Variants in SMG1 observed in about 807,000 individuals in gnomAD.
The protein encoded by SMG1 is serine/threonine-protein kinase SMG1.
In SMG1, 22 loss-of-function variants were observed where a neutral mutation model predicts 419.9. The observed-to-expected ratio is 0.05, with a 90% CI of 0.04 to 0.07. SMG1 has a LOEUF of 0.07. Among genes scored for constraint, SMG1 ranks in the 10% least tolerant of loss-of-function variants. The pLI is 1.00. For missense variants in SMG1, 3,185 were observed against 4,342.0 expected (o/e 0.73, Z 7.49); for synonymous variants, 1,538 against 1,553.5 (o/e 0.99, Z 0.23).
At chr16:18,895,501 CAAA>C (rs34296177) in intron 3 of SMG1, among the ~76,000 whole-genome samples, 1 of 141,976 alleles carries the variant, frequency 7.0e-6, no homozygotes, top group East Asian at 2.0e-4. Context: ...AAAACAACAA[CAAA>C]AAAAAAAACC....
intron 1 of SMG1, among the ~76,000 whole-genome samples, chr16:18,904,523 A>T (rs2037481497): frequency 6.6e-6 from 1 of 151,886 alleles, no homozygotes; most frequent in African/African-American, 2.4e-5. Context: ...CTGTAGTCCC[A>T]GCTACCTGGG....
rs1361675737 is a variant in SMG1 at position 18,926,310 on chromosome 16, T to C, written c.-269A>G. 4 of 457,932 alleles carry C rather than the reference T, an allele frequency of 8.7e-6. No homozygotes were observed. In the East Asian group the frequency reaches 1.2e-4, roughly 13 times the overall value. 28.4% of individuals were successfully genotyped at this position (457,932 alleles called of 1,614,324 possible). A position where few individuals can be genotyped will look rare whatever the true frequency, so the allele number is the denominator to read the frequency against. ...GGCGGATGAAGGGGAGGCGACGTCT[T>C]TTCCAGGGCCGTGCGCGGCCCACGT... On this transcript the variant is annotated 5_prime_UTR_variant, in exon 1 of 63. Transcript: ENST00000446231.
At position 18,859,625 on chromosome 16, in the gene SMG1, C is replaced by G; in HGVS notation, c.3884G>C (p.Arg1295Thr). ...AGCAGTTGCCAAACAAACAGAACTT[C>G]TTAACAATTGAACTTCAATGGATTT... ...LQKSIEVQLLRSSVCLATALN... is the reference protein window; with the variant it reads ...LQKSIEVQLLTSSVCLATALN... The change falls in exon 27 of 63, where the codon AGA (arginine) becomes ACA (threonine). Residue 1295 changes from arginine (R) to threonine (T), a missense_variant. By Grantham distance (71) the Arg-to-Thr change is moderately conservative (BLOSUM62 -1). Transcript: ENST00000446231. 2.5e-6 allele frequency: 4 copies of G among 1,612,718 alleles called. No homozygotes were observed. Among genetic ancestry groups the G allele is most frequent in the Non-Finnish European group, 2.5e-6 (3 of 1,178,970 alleles).
At chr16:18,810,934 G>C (rs534803537) in intron 62 of SMG1, among the ~76,000 whole-genome samples, 1 of 152,236 alleles carries the variant, frequency 6.6e-6, no homozygotes, top group African/African-American at 2.4e-5. Context: ...TTGTTAACTG[G>C]TGAGTCTAGG....
intron 22 of SMG1, among the ~76,000 whole-genome samples, chr16:18,867,428 G>A (rs1310368741): frequency 6.6e-6 from 1 of 151,820 alleles, no homozygotes; most frequent in Admixed American, 6.6e-5. Context: ...CAGGGACTGA[G>A]GCAAGAAGAG....
At chr16:18,919,226 C>A (rs2142012870) in intron 1 of SMG1, among the ~76,000 whole-genome samples, 1 of 151,826 alleles carries the variant, frequency 6.6e-6, no homozygotes, top group Non-Finnish European at 1.5e-5. Context: ...ACTCGGGAGG[C>A]TGAGGTAGGA....
Position 18,836,707 on chromosome 16 carries a change from A to AC in SMG1, c.7605-176dup, listed in dbSNP as rs527605708. On this transcript the variant is annotated intron_variant, in intron 46 of 62. Transcript: ENST00000446231. ...TTTTCCTGACCCTGTGATTCCCTCAACCATGCTCATGACATTTTAATTAAA... is the reference window on the plus strand; with the variant it reads ...TTTTCCTGACCCTGTGATTCCCTCAACCCATGCTCATGACATTTTAATTAAA... Among the ~76,000 whole-genome samples the AC allele has an allele frequency of 1.7e-4, 26 of 152,272 alleles. 1 individual carries two copies. The East Asian group carries it at 4.6e-3, about 27-fold the overall frequency.
chr16:18,880,268 T>A (rs1208984239), intron 10 of SMG1, among the ~76,000 whole-genome samples: 1 of 151,686 alleles, frequency 6.6e-6, no homozygotes, highest in East Asian at 1.9e-4. Flanking sequence ...ACAAACAAAA[T>A]CCCCCACTTA....
chr16:18,900,654 G>C (rs1045179000), intron 1 of SMG1, among the ~76,000 whole-genome samples: 1 of 152,032 alleles, frequency 6.6e-6, no homozygotes, highest in African/African-American at 2.4e-5. Flanking sequence ...GTTTATTAAG[G>C]GATTTTGCTC....
chr16:18,816,141 T>C (rs1024490705), intron 58 of SMG1, 161 bp downstream of exon 58: 28 of 632,032 alleles, frequency 4.4e-5, no homozygotes, highest in Middle Eastern at 4.3e-4. Context: ...CTTTAAAAAA[T>C]AGTTGATGAA....
At chr16:18,878,000 T>C (rs1229412547) in intron 11 of SMG1, 3 of 152,226 alleles carry the variant, frequency 2.0e-5, no homozygotes, top group South Asian at 2.1e-4. Context: ...TTTCTAATTA[T>C]AGAAGCTGAG....
chr16:18,828,959 T>C (rs1286546374), intron 54 of SMG1, among the ~76,000 whole-genome samples: 2 of 151,292 alleles, frequency 1.3e-5, no homozygotes. Context: ...GATCGCGCCA[T>C]TGCACTCCAG....
intron 26 of SMG1, among the ~76,000 whole-genome samples, chr16:18,860,321 T>C (rs1385686688): frequency 6.6e-6 from 1 of 152,254 alleles, no homozygotes; most frequent in Non-Finnish European, 1.5e-5. Flanking sequence ...AACTTTTTAA[T>C]AACATTTTAT....
At chr16:18,922,866 A>C (rs1272834011) in intron 1 of SMG1, among the ~76,000 whole-genome samples, 2 of 152,058 alleles carry the variant, frequency 1.3e-5, no homozygotes, top group African/African-American at 4.8e-5. Context: ...AGACTGTTTG[A>C]GTTCAGGGGT....
intron 1 of SMG1, 142 bp from the exon 2 acceptor site, chr16:18,897,098 C>CA (rs2037162897): frequency 3.4e-6 from 2 of 584,784 alleles, no homozygotes; most frequent in East Asian, 6.1e-5. Flanking sequence ...TGTAAGCACT[C>CA]AGCTGTCTAA....
At chr16:18,867,526 A>AAAAT (rs139133406) in intron 22 of SMG1, among the ~76,000 whole-genome samples, 18,961 of 141,958 alleles carry the variant, frequency 0.13, 1,541 homozygotes, top group African/African-American at 0.22. Flanking sequence ...TGTGTCTCAA[A>AAAAT]AAATAAATAA....
intron 1 of SMG1, chr16:18,911,572 T>C (rs1341222064): frequency 6.6e-6 from 1 of 151,446 alleles, no homozygotes; most frequent in Non-Finnish European, 1.5e-5. Context: ...TCTCCACTAA[T>C]ATTTTTCTAA....
At position 18,842,278 on chromosome 16, in the gene SMG1, C is replaced by T. The variant is rs751084575; in HGVS notation, c.6396G>A (p.Pro2132=). 21 of 1,613,810 alleles carry T rather than the reference C, an allele frequency of 1.3e-5. No homozygotes were observed. The highest frequency in any genetic ancestry group is 5.0e-5 in the Admixed American group (3 of 59,996). ...GAAGTTTCTTTGGCTTGGTTTTAGT[C>T]GGTAAGATTGTGATGGTTCCGCCCA... ...HSVGGTITIL[P]TKTKPKKLLF... The change falls in exon 40 of 63, where the codon CCG becomes CCA. Residue 2132 remains proline (P), a synonymous_variant. Transcript: ENST00000446231.
At chr16:18,849,441 C>A in intron 35 of SMG1, 63 bp from the exon 36 acceptor site, 1 of 1,458,832 alleles carries the variant, frequency 6.9e-7, no homozygotes, top group Non-Finnish European at 9.4e-7. Context: ...AAACTATCAG[C>A]ATCGTAGATC....
Sources: gnomAD v4.1 joint callset for allele counts (sites outside exome capture counted in the v4.1 genomes callset) on GRCh38, gnomAD v4.1.1 for gene constraint, MANE v1.5 for transcripts, NCBI Gene and HGNC (gene_info 2026-07-23, HGNC 2026-07-21) for gene names.